Variants in ABCC6 observed in about 807,000 individuals in gnomAD.
ABCC6 encodes the protein ATP binding cassette subfamily C member 6, also known as ATP-binding cassette sub-family C member 6.
Under a neutral mutation model 169.5 loss-of-function variants are expected in ABCC6, and 126 were observed. The ratio of observed to expected loss-of-function variants is 0.74; its 90% CI spans 0.64 to 0.86. The LOEUF (loss-of-function observed/expected upper bound fraction) is 0.86. Ranked by LOEUF, ABCC6 falls within the 40% of genes least tolerant of loss-of-function variation. The pLI is 0.00. For missense variants in ABCC6, 1,733 were observed against 1,927.2 expected (o/e 0.90, Z 1.89); for synonymous variants, 752 against 814.7 (o/e 0.92, Z 1.31).
intron 22 of ABCC6, among the ~76,000 whole-genome samples, chr16:16,168,058 A>T (rs1459129357): frequency 6.6e-6 from 1 of 152,220 alleles, no homozygotes; most frequent in Admixed American, 6.5e-5. Flanking sequence ...GGTTCTTAGG[A>T]CTAGAAGAGT....
intron 20 of ABCC6, 56 bp from the exon 21 acceptor site, chr16:16,173,460 A>G (rs1163237952): frequency 7.4e-6 from 12 of 1,612,534 alleles, no homozygotes; most frequent in Non-Finnish European, 9.3e-6. Context: ...GGTGGGGTGT[A>G]TGTGCCTAAC....
In ABCC6 at chr16:16,175,915, C is replaced by T. The variant is rs115167678; in HGVS notation, c.2662G>A (p.Glu888Lys). ...SAGRRPELRR[E>K]RSIKSVPEKD... ...GTGGCACCATGGTGGACTCACCTCT[C>T]GCGTCTAAGCTCGGGCCTCCTGCCT... Residue 888 changes from glutamate to lysine, a missense_variant, in exon 20 of 31, where the codon GAG (glutamate) becomes AAG (lysine). Coordinates refer to ENST00000205557, the MANE Select transcript of ABCC6 (RefSeq NM_001171.6). 3.0e-5 allele frequency: 49 copies of T among 1,614,122 alleles called. No individual in the cohort carries two copies. Among genetic ancestry groups the T allele is most frequent in the Middle Eastern group, 1.6e-4 (1 of 6,062 alleles).
At chr16:16,201,284 C>T (rs1379509626) in intron 9 of ABCC6, among the ~76,000 whole-genome samples, 7 of 152,256 alleles carry the variant, frequency 4.6e-5, no homozygotes, top group Middle Eastern at 3.4e-3. Context: ...CATTTTTACC[C>T]CAAGCAGTAT....
chr16:16,163,378 G>GT (rs1304833140), intron 23 of ABCC6, among the ~76,000 whole-genome samples, 186 bp from the exon 24 acceptor site: 3 of 152,046 alleles, frequency 2.0e-5, no homozygotes, highest in Admixed American at 6.6e-5. Context: ...GAGTTCTATG[G>GT]TTTTTTTGAA....
Position 16,189,121 on chromosome 16 carries a change from C to T in ABCC6, c.1636-147G>A, listed in dbSNP as rs1596676100. 3.3e-6 allele frequency: 3 copies of T among 903,904 alleles called. No homozygotes were observed. In the East Asian group the frequency reaches 7.5e-5, roughly 23 times the overall value. The allele number at this position is 903,904 out of a possible 1,614,324, so 56.0% of individuals were successfully genotyped here. A position where few individuals can be genotyped will look rare whatever the true frequency, so the allele number is the denominator to read the frequency against. On this transcript the variant is annotated intron_variant, in intron 12 of 30. Coordinates refer to ENST00000205557, the MANE Select transcript of ABCC6 (RefSeq NM_001171.6). Reference sequence around the variant, plus strand: ...CCCTCCGTAGATCCCACTCCCAGTCCTGCTAACACATGTCCTCTCCGCAGT... The same window carrying T: ...CCCTCCGTAGATCCCACTCCCAGTCTTGCTAACACATGTCCTCTCCGCAGT...
Position 16,185,004 on chromosome 16 carries a change from C to A in ABCC6, c.1898G>T (p.Ser633Ile), listed in dbSNP as rs775252212. Residue 633 changes from serine to isoleucine, a missense_variant, in exon 15 of 31, where the codon AGT (serine) becomes ATT (isoleucine). Around this residue, in one of 5 missense-constraint regions of ABCC6, gnomAD observed 1,601 missense variants for 1,635.5 expected, o/e 0.98. Coordinates refer to ENST00000205557, the MANE Select transcript of ABCC6 (RefSeq NM_001171.6). ...TTCCTGGGACCAGGCGAAGGTGGCA[C>A]TGTGTATGGTGATGCAATCCTTCCC... Reference protein sequence around the residue: ...AAGKDCITIHSATFAWSQESP... With the variant: ...AAGKDCITIHIATFAWSQESP... 13 of 1,613,738 alleles carry A rather than the reference C, an allele frequency of 8.1e-6. No individual in the cohort carries two copies. Among genetic ancestry groups the A allele is most frequent in the Non-Finnish European group, 2.5e-6 (3 of 1,179,764 alleles).
At chr16:16,151,365 T>G (rs1486503327) in intron 29 of ABCC6, among the ~76,000 whole-genome samples, 1 of 152,208 alleles carries the variant, frequency 6.6e-6, no homozygotes, top group African/African-American at 2.4e-5. Flanking sequence ...TAGTTCTATT[T>G]CTAGTTTGTT....
chr16:16,193,817 C>A (rs564777375), intron 10 of ABCC6, among the ~76,000 whole-genome samples: 2 of 152,332 alleles, frequency 1.3e-5, no homozygotes, highest in African/African-American at 4.8e-5. Flanking sequence ...ATCAGGACCC[C>A]TTTTCTGTAA....
chr16:16,210,354 C>A (rs1328136595), intron 6 of ABCC6, among the ~76,000 whole-genome samples: 1 of 152,080 alleles, frequency 6.6e-6, no homozygotes, highest in African/African-American at 2.4e-5. Context: ...TCAGGCTGGT[C>A]TCGAAATCCT....
At chr16:16,201,163 C>T (rs558590618) in intron 9 of ABCC6, among the ~76,000 whole-genome samples, 153 of 152,136 alleles carry the variant, frequency 1.0e-3, no homozygotes, top group Non-Finnish European at 1.3e-3. Flanking sequence ...GATGGGGTTT[C>T]GCCATGTTGG....
rs59588658 is a variant in ABCC6 at position 16,150,729 on chromosome 16, G to A, written c.4252C>T (p.Arg1418Trp). Reference sequence around the variant, plus strand: ...TCCAGGATGAGGATCTGGGTCTTCCGGAGAAGGGCACGTGCCAGACACAGG... The same window carrying A: ...TCCAGGATGAGGATCTGGGTCTTCCAGAGAAGGGCACGTGCCAGACACAGG... ...QLLCLARALL[R>W]KTQILILDEA... Residue 1418 changes from arginine to tryptophan, a missense_variant, in exon 30 of 31, where the codon CGG becomes TGG. Arg to Trp is a moderately radical substitution (Grantham distance 101). Around this residue, in one of 5 missense-constraint regions of ABCC6, gnomAD observed 1,601 missense variants for 1,635.5 expected, o/e 0.98. Coordinates refer to ENST00000205557, the MANE Select transcript of ABCC6 (RefSeq NM_001171.6). 3.0e-5 allele frequency: 49 copies of A among 1,613,904 alleles called. No individual in the cohort carries two copies. Among genetic ancestry groups the A allele is most frequent in the Middle Eastern group, 1.6e-4 (1 of 6,062 alleles).
At chr16:16,184,190 C>T (rs1039241720) in intron 15 of ABCC6, 27 of 123,886 alleles carry the variant, frequency 2.2e-4, no homozygotes, top group African/African-American at 1.0e-3. Context: ...TAGAGCAAGA[C>T]TCCGTTTCAA....
At chr16:16,204,846 T>TG (rs2048345052) in intron 7 of ABCC6, among the ~76,000 whole-genome samples, 1 of 151,168 alleles carries the variant, frequency 6.6e-6, no homozygotes, top group Non-Finnish European at 1.5e-5. Context: ...TCTTTTTTTT[T>TG]TTTTTTGAGA....
chr16:16,154,488 G>T, intron 29 of ABCC6, 140 bp downstream of exon 29: 2 of 1,084,126 alleles, frequency 1.8e-6, no homozygotes, highest in Non-Finnish European at 2.7e-6. Flanking sequence ...GCTTGGAATT[G>T]CAGATAAGAG....
At chr16:16,195,860 A>T (rs931713770) in intron 10 of ABCC6, among the ~76,000 whole-genome samples, 4 of 152,220 alleles carry the variant, frequency 2.6e-5, no homozygotes, top group Non-Finnish European at 4.4e-5. Flanking sequence ...AATCATATGC[A>T]TGAGCATTCG....
In ABCC6 at chr16:16,161,565, CT is replaced by C. The variant is rs2046718928; in HGVS notation, c.3507-2del. 6.2e-7 allele frequency: 1 copy of C among 1,613,906 alleles called. No homozygotes were observed. Among genetic ancestry groups the C allele is most frequent in the South Asian group, 1.1e-5 (1 of 91,082 alleles). On this transcript the variant is annotated splice_acceptor_variant, in intron 24 of 30. Coordinates refer to ENST00000205557, the MANE Select transcript of ABCC6 (RefSeq NM_001171.6). LOFTEE classifies it high-confidence loss of function. ...GAGCTCCACATTGGCCGCAAGCCAC[CT>C]GCAAAGGGAAGCGACAGCAGGGTGA...
Position 16,197,250 on chromosome 16 carries a change from T to A in ABCC6, c.1338+771A>T, listed in dbSNP as rs373089064. Among the ~76,000 whole-genome samples, 17 of 152,128 alleles carry A rather than the reference T, an allele frequency of 1.1e-4. No homozygotes were observed. The South Asian group carries it at 3.5e-3, about 32-fold the overall frequency. On this transcript the variant is annotated intron_variant, in intron 10 of 30. Coordinates refer to ENST00000205557, the MANE Select transcript of ABCC6 (RefSeq NM_001171.6). ...GCCTACTGGGTACCCTAATAGCACA[T>A]GGGGAAGTATCAACGTCATCATCAT...
Position 16,172,491 on chromosome 16 carries a change from A to G in ABCC6, c.2787+793T>C, listed in dbSNP as rs2047147548. Among the ~76,000 whole-genome samples the G allele has an allele frequency of 7.1e-5, 9 of 127,320 alleles. No individual in the cohort carries two copies. In the Admixed American group the frequency reaches 7.9e-4, roughly 11 times the overall value. 83.5% of individuals were successfully genotyped at this position (127,320 alleles called of 152,430 possible). On this transcript the variant is annotated intron_variant, in intron 21 of 30. Transcript: ENST00000205557. ...ATAAATGAGTGGGTGGGATGGATAA[A>G]TGGGTGGGTGGGATGGATAAATCAG...
Position 16,198,144 on chromosome 16 carries a change from C to A in ABCC6, c.1215G>T (p.Ala405=). 1 of 1,609,674 alleles carries A rather than the reference C, an allele frequency of 6.2e-7. No individual in the cohort carries two copies. Among genetic ancestry groups the A allele is most frequent in the East Asian group, 2.2e-5 (1 of 44,704 alleles). Residue 405 remains alanine, a synonymous_variant, in exon 10 of 31, where the codon GCG becomes GCT. Coordinates refer to ENST00000205557, the MANE Select transcript of ABCC6 (RefSeq NM_001171.6). ...ALSSGSRKAS[A]VGDVVNLVSV... Reference sequence around the variant, plus strand: ...ACACCAGATTGACCACATCACCCACCGCACTGGCCTTTCTGGAGCCGCTGG... The same window carrying A: ...ACACCAGATTGACCACATCACCCACAGCACTGGCCTTTCTGGAGCCGCTGG...
Sources: allele counts gnomAD v4.1 joint callset (sites outside exome capture counted in the v4.1 genomes callset), GRCh38; gene constraint gnomAD v4.1.1; regional missense constraint gnomAD v4.1.1; transcripts MANE v1.5; gene names NCBI Gene and HGNC (gene_info 2026-07-23, HGNC 2026-07-21).